CCDC171: variants seen among roughly 807,000 people sequenced by gnomAD.
CCDC171 encodes coiled-coil domain-containing protein 171.
A neutral mutation model predicts 168.2 loss-of-function variants in CCDC171; 177 were observed. The ratio of observed to expected loss-of-function variants is 1.05; its 90% CI spans 0.93 to 1.19. The LOEUF (loss-of-function observed/expected upper bound fraction) is 1.19. Among genes scored for constraint, CCDC171 ranks in the 50% most tolerant of loss-of-function variants. The probability of loss-of-function intolerance (pLI) is 0.00; values close to 1 mark genes in which losing one functional copy is unlikely to be tolerated. For missense variants in CCDC171, 1,991 were observed against 1,539.0 expected, an observed-to-expected ratio of 1.29 and a Z score of -4.91; for synonymous variants, 687 against 540.8, an observed-to-expected ratio of 1.27 and a Z score of -3.75.
rs139248006 is a variant in CCDC171, at chr9:15,694,876, C to G, written c.1216-359C>G. On this transcript the variant is annotated intron_variant, in intron 10 of 25. Transcript: ENST00000380701. The stretch of plus-strand genomic sequence containing the variant: ...TGCCATCTGGCAACTTGCCATATGA[C>G]TGTAGTCATGATTTTTTAAGTGTTC... Among the ~76,000 whole-genome samples the G allele has an allele frequency of 2.1e-3, 319 of 152,328 alleles. 1 individual carries two copies. Among genetic ancestry groups the G allele is most frequent in the Middle Eastern group, 6.8e-3 (2 of 294 alleles).
chr9:15,880,499 C>G (rs1256478477), intron 24 of CCDC171, among the ~76,000 whole-genome samples: 1 of 151,502 alleles, frequency 6.6e-6, no homozygotes, highest in Non-Finnish European at 1.5e-5. Flanking sequence ...CTCTGTTGCC[C>G]AGGCTGGAGT....
At chr9:16,016,454 T>C (rs1237673116) in intron 3 of CCDC171, among the ~76,000 whole-genome samples, 8 of 152,104 alleles carry the variant, frequency 5.3e-5, no homozygotes, top group Admixed American at 4.6e-4. Flanking sequence ...AATGCATGAA[T>C]CAAGCAATGG....
chr9:16,104,496 A>C, the CCDC171 span, among the ~76,000 whole-genome samples: 1 of 152,114 alleles, frequency 6.6e-6, no homozygotes, highest in East Asian at 1.9e-4. Context: ...CATCATGAGC[A>C]TCCAGGAACA....
At chr9:15,652,494 A>C (rs1396344888) in intron 7 of CCDC171, among the ~76,000 whole-genome samples, 3 of 149,634 alleles carry the variant, frequency 2.0e-5, no homozygotes, top group African/African-American at 7.4e-5. Flanking sequence ...CACCTGGCTG[A>C]ATCTTTGCTT....
chr9:15,665,011 A>G (rs1350111833), intron 8 of CCDC171, among the ~76,000 whole-genome samples: 9 of 152,318 alleles, frequency 5.9e-5, no homozygotes, highest in African/African-American at 2.2e-4. Context: ...ATGCAAAAGT[A>G]AAATAGTAAA....
intron 7 of CCDC171, among the ~76,000 whole-genome samples, chr9:15,625,580 T>C (rs1587515572): frequency 6.6e-6 from 1 of 152,202 alleles, no homozygotes; most frequent in South Asian, 2.1e-4. Flanking sequence ...GGGAGTCCTT[T>C]CCCCATTTCT....
the CCDC171 span, among the ~76,000 whole-genome samples, chr9:16,082,952 A>G: frequency 6.6e-6 from 1 of 152,140 alleles, no homozygotes; most frequent in African/African-American, 2.4e-5. Context: ...CTGCCATACA[A>G]ATTTTGCTGT....
intron 3 of CCDC171, among the ~76,000 whole-genome samples, chr9:15,990,028 C>T (rs1832134031): frequency 6.6e-6 from 1 of 152,122 alleles, no homozygotes; most frequent in African/African-American, 2.4e-5. Context: ...AGGAGAACTT[C>T]CCCAACCTAG....
intron 23 of CCDC171, chr9:15,850,360 GT>G (rs1040866949): frequency 7.2e-5 from 11 of 151,740 alleles, no homozygotes; most frequent in African/African-American, 2.7e-4. Context: ...AAAATATATC[GT>G]TTAAATATAA....
chr9:15,945,612 G>T (rs1254438254), intron 25 of CCDC171, among the ~76,000 whole-genome samples: 1 of 138,844 alleles, frequency 7.2e-6, no homozygotes, highest in Non-Finnish European at 1.6e-5. Flanking sequence ...GTTTTGATTT[G>T]CATTGCTCTG....
At chr9:15,897,593 A>T (rs531766208) in intron 24 of CCDC171, among the ~76,000 whole-genome samples, 1 of 152,296 alleles carries the variant, frequency 6.6e-6, no homozygotes, top group Admixed American at 6.5e-5. Flanking sequence ...GTCAATGCAG[A>T]GTAATACTTA....
At chr9:16,095,462 C>A in the CCDC171 span, among the ~76,000 whole-genome samples, 1 of 152,076 alleles carries the variant, frequency 6.6e-6, no homozygotes, top group South Asian at 2.1e-4. Flanking sequence ...CACTTTCTTT[C>A]TCTCTCCCCA....
chr9:15,746,312 A>G (rs1278267819), intron 18 of CCDC171, among the ~76,000 whole-genome samples: 2 of 152,196 alleles, frequency 1.3e-5, no homozygotes. Context: ...ATGTAATGAT[A>G]ATTTGGGATT....
chr9:16,057,885 C>T (rs944771565), intron 1 of CCDC171, among the ~76,000 whole-genome samples: 1 of 152,150 alleles, frequency 6.6e-6, no homozygotes, highest in Non-Finnish European at 1.5e-5. Context: ...CCCTCTATGC[C>T]CTTGTCTGGG....
At chr9:15,658,752 T>G (rs1031255148) in intron 8 of CCDC171, among the ~76,000 whole-genome samples, 3 of 152,100 alleles carry the variant, frequency 2.0e-5, no homozygotes, top group African/African-American at 7.2e-5. Context: ...CAAGACAAGA[T>G]TTCTTCCCTA....
chr9:15,853,029 G>T (rs924234770), intron 23 of CCDC171, among the ~76,000 whole-genome samples: 3 of 151,580 alleles, frequency 2.0e-5, no homozygotes, highest in Non-Finnish European at 3.0e-5. Context: ...GAGATTTCTA[G>T]ATCTCAAGAT....
At chr9:16,102,519 G>A in the CCDC171 span, among the ~76,000 whole-genome samples, 1 of 148,634 alleles carries the variant, frequency 6.7e-6, no homozygotes, top group Non-Finnish European at 1.5e-5. Flanking sequence ...GCAGGGGGGA[G>A]GGTGGGTACA....
chr9:15,579,450 T>C (rs2040940027), intron 4 of CCDC171, among the ~76,000 whole-genome samples: 1 of 152,188 alleles, frequency 6.6e-6, no homozygotes, highest in Non-Finnish European at 1.5e-5. Context: ...GGTTTAGAAA[T>C]CACTGGGCTA....
intron 7 of CCDC171, among the ~76,000 whole-genome samples, chr9:15,642,205 A>AG (rs2046667197): frequency 1.3e-5 from 2 of 150,916 alleles, no homozygotes; most frequent in African/African-American, 4.9e-5. Flanking sequence ...ATAGTACATA[A>AG]TACAGTGTAA....
Sources: allele counts gnomAD v4.1 joint callset (sites outside exome capture counted in the v4.1 genomes callset), GRCh38; gene constraint gnomAD v4.1.1; transcripts MANE v1.5; gene names NCBI Gene and HGNC (gene_info 2026-07-23, HGNC 2026-07-21).